SGCZ: variants seen among roughly 807,000 people sequenced by gnomAD.
SGCZ encodes zeta-sarcoglycan.
In SGCZ, 40 loss-of-function variants were observed where a neutral mutation model predicts 41.3. The observed-to-expected ratio is 0.97, with a 90% confidence interval of 0.75 to 1.26. The LOEUF (loss-of-function observed/expected upper bound fraction) is 1.26. Among genes scored for constraint, SGCZ ranks in the 50% most tolerant of loss-of-function variants. The pLI is 0.00. For missense variants in SGCZ, 552 were observed against 369.8 expected (o/e 1.49, Z -4.04); for synonymous variants, 206 against 137.5 (o/e 1.50, Z -3.49).
chr8:15,229,141 G>A (rs924555804), intron 1 of SGCZ, among the ~76,000 whole-genome samples: 10 of 152,116 alleles, frequency 6.6e-5, no homozygotes, highest in Admixed American at 2.6e-4. Context: ...GTAGTGAACC[G>A]AGATCGTGCC....
At chr8:14,097,829 T>C (rs185653655) in intron 7 of SGCZ, among the ~76,000 whole-genome samples, 130 of 152,310 alleles carry the variant, frequency 8.5e-4, no homozygotes, top group African/African-American at 2.7e-3. Context: ...ATTAATCTCT[T>C]TACCATTATG....
At chr8:14,734,529 T>G (rs529076883) in intron 1 of SGCZ, among the ~76,000 whole-genome samples, 16 of 152,272 alleles carry the variant, frequency 1.1e-4, no homozygotes, top group African/African-American at 2.6e-4. Flanking sequence ...TTTGCCACAT[T>G]TCATGAATAT....
intron 1 of SGCZ, among the ~76,000 whole-genome samples, chr8:15,145,103 G>A (rs533976407): frequency 1.3e-5 from 2 of 152,120 alleles, no homozygotes; most frequent in Non-Finnish European, 2.9e-5. Context: ...CCTTTGATCA[G>A]AGCAAATTAT....
chr8:14,759,583 T>C (rs1468324947), intron 1 of SGCZ, among the ~76,000 whole-genome samples: 2 of 152,128 alleles, frequency 1.3e-5, no homozygotes, highest in African/African-American at 4.8e-5. Context: ...TTAGATACGC[T>C]ATTAAGATTC....
chr8:14,728,345 G>GA (rs77008940), intron 1 of SGCZ, among the ~76,000 whole-genome samples: 321 of 62,502 alleles, frequency 5.1e-3, no homozygotes, highest in Admixed American at 0.021. Flanking sequence ...TCTCAAAATA[G>GA]AAAAAAAAAA....
At position 14,857,524 on chromosome 8, in the gene SGCZ, G is replaced by A. The variant is rs980107698; in HGVS notation, c.40-302598C>T. 3.2e-4 allele frequency among the ~76,000 whole-genome samples: 49 copies of A among 152,222 alleles called. 1 individual carries two copies. The highest frequency in any genetic ancestry group is 2.0e-3 in the Admixed American group (31 of 15,280). Reference sequence around the variant, plus strand: ...ATTTCATAGTAATAGTTCACAGGGCGTTAAGCTTTAAGAACCTCAGAATCA... The same window carrying A: ...ATTTCATAGTAATAGTTCACAGGGCATTAAGCTTTAAGAACCTCAGAATCA... On this transcript the variant is annotated intron_variant, in intron 1 of 7. Coordinates refer to ENST00000382080, the MANE Select transcript of SGCZ (RefSeq NM_139167.4).
At chr8:14,436,466 T>C (rs1160243416) in intron 2 of SGCZ, among the ~76,000 whole-genome samples, 1 of 152,212 alleles carries the variant, frequency 6.6e-6, no homozygotes, top group Non-Finnish European at 1.5e-5. Flanking sequence ...GGCCATACAC[T>C]TTTAAGACAC....
At chr8:14,121,091 G>A (rs1178003764) in intron 5 of SGCZ, among the ~76,000 whole-genome samples, 3 of 152,060 alleles carry the variant, frequency 2.0e-5, no homozygotes, top group African/African-American at 7.2e-5. Context: ...TAGCCTAACG[G>A]CTAAGAGAGT....
At chr8:14,813,028 T>C (rs1050271528) in intron 1 of SGCZ, among the ~76,000 whole-genome samples, 2 of 152,118 alleles carry the variant, frequency 1.3e-5, no homozygotes, top group Non-Finnish European at 2.9e-5. Context: ...TAAAATAAAT[T>C]TGAATAATTG....
chr8:14,256,858 T>C (rs1259446391), intron 3 of SGCZ, among the ~76,000 whole-genome samples: 2 of 152,198 alleles, frequency 1.3e-5, no homozygotes, highest in East Asian at 1.9e-4. Flanking sequence ...ACAGCTAAAT[T>C]AATTATTTAT....
chr8:14,461,520 A>G (rs1800901269), intron 2 of SGCZ, among the ~76,000 whole-genome samples: 1 of 152,124 alleles, frequency 6.6e-6, no homozygotes, highest in Non-Finnish European at 1.5e-5. Context: ...CTGCACTTTA[A>G]CAAAATCTCC....
chr8:14,731,835 A>G (rs1408349909), intron 1 of SGCZ, among the ~76,000 whole-genome samples: 2 of 152,146 alleles, frequency 1.3e-5, no homozygotes, highest in Non-Finnish European at 2.9e-5. Context: ...CACTTTTTCT[A>G]CAATTTTCCT....
intron 1 of SGCZ, among the ~76,000 whole-genome samples, chr8:15,210,356 A>G (rs955347696): frequency 2.6e-5 from 4 of 152,056 alleles, no homozygotes; most frequent in East Asian, 1.9e-4. Flanking sequence ...TCTCCTCCCA[A>G]TACATTATCC....
chr8:15,130,265 T>C (rs901787646), intron 1 of SGCZ, among the ~76,000 whole-genome samples: 3 of 152,136 alleles, frequency 2.0e-5, no homozygotes, highest in African/African-American at 7.2e-5. Flanking sequence ...CGTGCAATGT[T>C]TCATTACCAT....
intron 1 of SGCZ, among the ~76,000 whole-genome samples, chr8:14,829,707 T>C (rs567344251): frequency 4.6e-5 from 7 of 152,356 alleles, no homozygotes; most frequent in African/African-American, 1.4e-4. Flanking sequence ...AGTAGTTAGA[T>C]GCTTAACTAA....
At chr8:14,627,572 T>C (rs1585136510) in intron 1 of SGCZ, among the ~76,000 whole-genome samples, 1 of 152,158 alleles carries the variant, frequency 6.6e-6, no homozygotes, top group South Asian at 2.1e-4. Context: ...TACTATGTGG[T>C]AATAATTCAA....
At chr8:15,138,751 C>T (rs1353542114) in intron 1 of SGCZ, among the ~76,000 whole-genome samples, 1 of 152,120 alleles carries the variant, frequency 6.6e-6, no homozygotes, top group Non-Finnish European at 1.5e-5. Context: ...TTATAAATTA[C>T]CCAGTCTCAG....
chr8:14,736,621 AC>A (rs1450943373), intron 1 of SGCZ, among the ~76,000 whole-genome samples: 1 of 150,444 alleles, frequency 6.6e-6, no homozygotes, highest in African/African-American at 2.4e-5. Flanking sequence ...TTTATTCCTC[AC>A]CCCCCTCCCA....
At chr8:14,292,828 AT>A (rs1800885886) in intron 3 of SGCZ, among the ~76,000 whole-genome samples, 1 of 143,028 alleles carries the variant, frequency 7.0e-6, no homozygotes, top group Admixed American at 7.1e-5. Flanking sequence ...TAAACAATGC[AT>A]TATGTTACAT....
Sources: gnomAD v4.1 joint callset for allele counts (sites outside exome capture counted in the v4.1 genomes callset) on GRCh38, gnomAD v4.1.1 for gene constraint, MANE v1.5 for transcripts, NCBI Gene and HGNC (gene_info 2026-07-23, HGNC 2026-07-21) for gene names.